CCBE1: variants seen among roughly 807,000 people sequenced by gnomAD.
CCBE1 encodes the protein collagen and calcium-binding EGF domain-containing protein 1.
Under a neutral mutation model 50.0 loss-of-function variants are expected in CCBE1, and 37 were observed. The ratio of observed to expected loss-of-function variants is 0.74; its 90% CI spans 0.57 to 0.97. CCBE1 has a LOEUF of 0.97. CCBE1 is among the 50% of genes least tolerant of loss of function. The pLI is 0.00. For missense variants in CCBE1, 538 were observed against 523.8 expected (o/e 1.03, Z -0.26); for synonymous variants, 234 against 203.7 (o/e 1.15, Z -1.27).
chr18:59,472,639 G>A (rs1912087186), intron 3 of CCBE1, among the ~76,000 whole-genome samples: 1 of 152,190 alleles, frequency 6.6e-6, no homozygotes, highest in Non-Finnish European at 1.5e-5. Flanking sequence ...ACCGCGCCCA[G>A]CCTACAGCTG....
intron 2 of CCBE1, among the ~76,000 whole-genome samples, chr18:59,624,032 A>G (rs2144612035): frequency 6.6e-6 from 1 of 152,320 alleles, no homozygotes; most frequent in East Asian, 1.9e-4. Context: ...TGAACTTAGT[A>G]GCGGAATTAC....
At chr18:59,556,520 A>G (rs1449230188) in intron 2 of CCBE1, among the ~76,000 whole-genome samples, 1 of 152,166 alleles carries the variant, frequency 6.6e-6, no homozygotes, top group African/African-American at 2.4e-5. Context: ...TGCAGAAGAC[A>G]AAGGGTTATG....
chr18:59,686,120 C>G (rs185433444), intron 2 of CCBE1: 208 of 152,288 alleles, frequency 1.4e-3, no homozygotes, highest in African/African-American at 4.9e-3. Flanking sequence ...TTGGATAACT[C>G]AGGACATTGT....
chr18:59,584,965 T>C (rs2053156814), intron 2 of CCBE1, among the ~76,000 whole-genome samples: 1 of 152,114 alleles, frequency 6.6e-6, no homozygotes, highest in Admixed American at 6.6e-5. Flanking sequence ...GATTGGCAAG[T>C]TAACAGTTTC....
At chr18:59,650,014 G>T (rs1008848735) in intron 2 of CCBE1, among the ~76,000 whole-genome samples, 1 of 152,060 alleles carries the variant, frequency 6.6e-6, no homozygotes, top group Admixed American at 6.5e-5. Context: ...GGGTGGGGGA[G>T]CACAGGTGAG....
intron 2 of CCBE1, among the ~76,000 whole-genome samples, chr18:59,599,604 G>A (rs2053404092): frequency 6.6e-6 from 1 of 152,252 alleles, no homozygotes; most frequent in South Asian, 2.1e-4. Context: ...ATGGTACAAT[G>A]GCTAAGAGTA....
chr18:59,511,939 T>A (rs1412406433), intron 2 of CCBE1, among the ~76,000 whole-genome samples: 1 of 152,236 alleles, frequency 6.6e-6, no homozygotes, highest in African/African-American at 2.4e-5. Flanking sequence ...AAAATGACCT[T>A]AGCCCTTGAT....
intron 2 of CCBE1, among the ~76,000 whole-genome samples, chr18:59,594,658 A>G (rs1023418931): frequency 5.9e-5 from 9 of 152,176 alleles, no homozygotes; most frequent in Non-Finnish European, 1.0e-4. Context: ...AAAAGGGGAA[A>G]AGATCTTCAA....
intron 2 of CCBE1, among the ~76,000 whole-genome samples, chr18:59,565,935 C>T (rs2052818554): frequency 6.6e-6 from 1 of 152,114 alleles, no homozygotes; most frequent in South Asian, 2.1e-4. Flanking sequence ...TCCTGAACTC[C>T]CCCATCCCCC....
In CCBE1 at chr18:59,492,468, G is replaced by A. The variant is rs145771001; in HGVS notation, c.213-12230C>T. ...GATTAGACTGACCAACAGGATGTGAGTGACTGATGGTGGGCAACTTCCAGG... is the reference window on the plus strand; with the variant it reads ...GATTAGACTGACCAACAGGATGTGAATGACTGATGGTGGGCAACTTCCAGG... On this transcript the variant is annotated intron_variant, in intron 2 of 10. Coordinates refer to ENST00000439986, the MANE Select transcript of CCBE1 (RefSeq NM_133459.4). Among the ~76,000 whole-genome samples, 496 of 152,284 alleles carry A rather than the reference G, an allele frequency of 3.3e-3. 3 individuals carry two copies. The highest frequency in any genetic ancestry group is 0.011 in the African/African-American group (476 of 41,560).
chr18:59,582,914 G>A (rs369023370), intron 2 of CCBE1, among the ~76,000 whole-genome samples: 1 of 152,106 alleles, frequency 6.6e-6, no homozygotes, highest in African/African-American at 2.4e-5. Context: ...CTGGGCTCGA[G>A]CAATCCTTCC....
chr18:59,680,885 C>T lies in CCBE1; in HGVS notation c.212+15744G>A, dbSNP rs145086112. On this transcript the variant is annotated intron_variant, in intron 2 of 10. Coordinates refer to ENST00000439986, the MANE Select transcript of CCBE1 (RefSeq NM_133459.4). ...CAAGCAGGAGAAAGAAGGAATCAAA[C>T]TTCAAACCAGCGGCCTGTTGATCTC... Among the ~76,000 whole-genome samples, 499 of 152,108 alleles carry T rather than the reference C, an allele frequency of 3.3e-3. 2 individuals carry two copies. Among genetic ancestry groups the T allele is most frequent in the African/African-American group, 0.01 (424 of 41,504 alleles).
chr18:59,502,815 A>T (rs1913687093), intron 2 of CCBE1, among the ~76,000 whole-genome samples: 1 of 152,214 alleles, frequency 6.6e-6, no homozygotes, highest in Non-Finnish European at 1.5e-5. Context: ...TTGCTAGGCC[A>T]CTTAAATCAA....
At chr18:59,519,930 A>T (rs962591305) in intron 2 of CCBE1, among the ~76,000 whole-genome samples, 3 of 152,194 alleles carry the variant, frequency 2.0e-5, no homozygotes, top group African/African-American at 7.2e-5. Flanking sequence ...TAAATAGGGA[A>T]TCATTTCCCT....
At chr18:59,455,839 A>C (rs529777110) in intron 5 of CCBE1, among the ~76,000 whole-genome samples, 2 of 152,322 alleles carry the variant, frequency 1.3e-5, no homozygotes, top group South Asian at 4.1e-4. Flanking sequence ...ACAGTTTGAC[A>C]CCCAGGGAAG....
At chr18:59,697,518 G>T, upstream of CCBE1, 1 of 824,532 alleles carries the variant, frequency 1.2e-6, no homozygotes, top group Non-Finnish European at 1.8e-6. Context: ...GGGGGAAAAT[G>T]AGGCTAGGAG....
intron 2 of CCBE1, among the ~76,000 whole-genome samples, chr18:59,565,016 C>T (rs2052799280): frequency 6.6e-6 from 1 of 152,228 alleles, no homozygotes; most frequent in Non-Finnish European, 1.5e-5. Flanking sequence ...AGTAGTCAGC[C>T]TTGTTCCCTT....
intron 2 of CCBE1, among the ~76,000 whole-genome samples, chr18:59,655,035 C>A (rs1265431839): frequency 5.5e-5 from 8 of 146,204 alleles, no homozygotes; most frequent in African/African-American, 2.0e-4. Context: ...TGCAGTGAAC[C>A]AAGATCGCAC....
chr18:59,532,074 CT>C (rs1288359873), intron 2 of CCBE1, among the ~76,000 whole-genome samples: 3 of 151,588 alleles, frequency 2.0e-5, no homozygotes, highest in African/African-American at 4.8e-5. Context: ...AATGTTCTTA[CT>C]TTTTTTTTGA....
Sources: gnomAD v4.1 joint callset for allele counts (sites outside exome capture counted in the v4.1 genomes callset) on GRCh38, gnomAD v4.1.1 for gene constraint, MANE v1.5 for transcripts, NCBI Gene and HGNC (gene_info 2026-07-23, HGNC 2026-07-21) for gene names.